Variants in KHDRBS2 observed in about 807,000 individuals in gnomAD.
KHDRBS2 encodes the protein KH domain-containing, RNA-binding, signal transduction-associated protein 2.
Under a neutral mutation model 44.3 loss-of-function variants are expected in KHDRBS2, and 26 were observed. The ratio of observed to expected loss-of-function variants is 0.59; its 90% CI spans 0.43 to 0.81. The LOEUF (loss-of-function observed/expected upper bound fraction) is 0.81. Ranked by LOEUF, KHDRBS2 falls within the 40% of genes least tolerant of loss-of-function variation. The pLI, the probability that KHDRBS2 is intolerant of heterozygous loss-of-function variation, is 0.00. For missense variants in KHDRBS2, 476 were observed against 433.1 expected, an observed-to-expected ratio of 1.10 and a Z score of -0.88; for synonymous variants, 194 against 151.1, an observed-to-expected ratio of 1.28 and a Z score of -2.08.
intron 2 of KHDRBS2, among the ~76,000 whole-genome samples, chr6:62,064,293 A>T (rs962514447): frequency 2.0e-5 from 3 of 150,202 alleles, no homozygotes; most frequent in African/African-American, 7.4e-5. Flanking sequence ...TAAAGTTCAT[A>T]TGGAACAAAA....
At position 62,048,889 on chromosome 6, in the gene KHDRBS2, T is replaced by C. The variant is rs537775347; in HGVS notation, c.220-895A>G. On this transcript the variant is annotated intron_variant, in intron 2 of 8. Coordinates refer to ENST00000281156, the MANE Select transcript of KHDRBS2 (RefSeq NM_152688.4). The stretch of plus-strand genomic sequence containing the variant: ...ACTATCTTGGGAACATAAAGAACAA[T>C]GATAAGTAAGACTAAGTAAAATTGC... Among the ~76,000 whole-genome samples, 3 of 152,052 alleles carry C rather than the reference T, an allele frequency of 2.0e-5. No individual in the cohort carries two copies. In the South Asian group the frequency reaches 6.2e-4, roughly 32 times the overall value.
At chr6:61,572,740 C>T in the KHDRBS2 span, among the ~76,000 whole-genome samples, 3 of 152,078 alleles carry the variant, frequency 2.0e-5, no homozygotes, top group African/African-American at 7.2e-5. Flanking sequence ...TTAATAGATA[C>T]AGAAAAAGCA....
rs1168354909 is a variant in KHDRBS2 at position 61,680,114 on chromosome 6, A to G, written c.*849T>C. 6.6e-6 allele frequency: 1 copy of G among 152,428 alleles called. No individual in the cohort carries two copies. The highest frequency in any genetic ancestry group is 2.4e-5 in the African/African-American group (1 of 41,450). 9.4% of individuals were successfully genotyped at this position (152,428 alleles called of 1,614,324 possible). A position where few individuals can be genotyped will look rare whatever the true frequency, so the allele number is the denominator to read the frequency against. ...TTATTAATACATTTTTAAGTATTACACAAATATCTTAAAACAGACTTGGGT... is the reference window on the plus strand; with the variant it reads ...TTATTAATACATTTTTAAGTATTACGCAAATATCTTAAAACAGACTTGGGT... On this transcript the variant is annotated 3_prime_UTR_variant, in exon 9 of 9. Coordinates refer to ENST00000281156, the MANE Select transcript of KHDRBS2 (RefSeq NM_152688.4).
At chr6:61,793,188 A>C (rs1460839154) in intron 6 of KHDRBS2, among the ~76,000 whole-genome samples, 11 of 152,000 alleles carry the variant, frequency 7.2e-5, no homozygotes, top group Non-Finnish European at 4.4e-5. Flanking sequence ...TGGGACAGTA[A>C]ACTTATTGCT....
chr6:62,072,342 C>T (rs1284344875), intron 2 of KHDRBS2, among the ~76,000 whole-genome samples: 2 of 152,274 alleles, frequency 1.3e-5, no homozygotes, highest in East Asian at 1.9e-4. Flanking sequence ...ATTTCCTTCT[C>T]CTGCCTGATT....
chr6:61,799,709 T>C lies in KHDRBS2; in HGVS notation c.811-66945A>G, dbSNP rs567881913. Among the ~76,000 whole-genome samples, 4 of 152,100 alleles carry C rather than the reference T, an allele frequency of 2.6e-5. No homozygotes were observed. In the East Asian group the frequency reaches 7.7e-4, roughly 29 times the overall value. On this transcript the variant is annotated intron_variant, in intron 6 of 8. Coordinates refer to ENST00000281156, the MANE Select transcript of KHDRBS2 (RefSeq NM_152688.4). ...TATATTCATTCAGGGTTAGAATGTA[T>C]TGAGATAGTGCTTAGAAGACAAAAA...
At chr6:62,262,913 A>G (rs189868289) in intron 1 of KHDRBS2, among the ~76,000 whole-genome samples, 2 of 151,896 alleles carry the variant, frequency 1.3e-5, no homozygotes, top group Admixed American at 1.3e-4. Flanking sequence ...TTCTCTCTAA[A>G]AACAAATACA....
chr6:61,654,115 T>A, the KHDRBS2 span, among the ~76,000 whole-genome samples: 1 of 152,068 alleles, frequency 6.6e-6, no homozygotes, highest in Non-Finnish European at 1.5e-5. Flanking sequence ...TCAGTCCTGC[T>A]ATTCTCATAT....
At chr6:62,101,530 C>G (rs1801903935) in intron 2 of KHDRBS2, among the ~76,000 whole-genome samples, 1 of 152,150 alleles carries the variant, frequency 6.6e-6, no homozygotes, top group African/African-American at 2.4e-5. Context: ...CTGCAATAAT[C>G]TTGGCAAGAG....
At chr6:61,564,001 T>A in the KHDRBS2 span, among the ~76,000 whole-genome samples, 46 of 152,224 alleles carry the variant, frequency 3.0e-4, no homozygotes, top group Non-Finnish European at 5.7e-4. Context: ...AGTTTTCATG[T>A]AATACTCATC....
At chr6:62,185,075 TA>T (rs1249387189) in intron 1 of KHDRBS2, among the ~76,000 whole-genome samples, 1 of 151,954 alleles carries the variant, frequency 6.6e-6, no homozygotes, top group East Asian at 1.9e-4. Flanking sequence ...TAAAATAAAG[TA>T]AATCTTTCAA....
At chr6:61,866,054 G>A (rs114102172) in intron 6 of KHDRBS2, among the ~76,000 whole-genome samples, 3,228 of 152,222 alleles carry the variant, frequency 0.021, 113 homozygotes, top group African/African-American at 0.073. Context: ...TACTATTCTG[G>A]GCTCTGGAGG....
intron 2 of KHDRBS2, among the ~76,000 whole-genome samples, chr6:62,070,525 T>C (rs1356971140): frequency 6.6e-6 from 1 of 151,952 alleles, no homozygotes; most frequent in African/African-American, 2.4e-5. Flanking sequence ...GTGTGTGATG[T>C]TCCCCTTACT....
intron 4 of KHDRBS2, among the ~76,000 whole-genome samples, chr6:61,913,967 T>C (rs1194469026): frequency 1.3e-5 from 2 of 152,106 alleles, no homozygotes; most frequent in Non-Finnish European, 2.9e-5. Flanking sequence ...ATCATGGTAG[T>C]GCTTCTGGAC....
the KHDRBS2 span, among the ~76,000 whole-genome samples, chr6:61,615,219 C>CCAAAAAAAAAAAAA: frequency 9.9e-6 from 1 of 101,012 alleles, no homozygotes. Flanking sequence ...GGTGACAGAG[C>CCAAAAAAAAAAAAA]AAGACTCCAT....
At chr6:61,816,933 AT>A in intron 6 of KHDRBS2, 1 of 455,746 alleles carries the variant, frequency 2.2e-6, no homozygotes, top group Non-Finnish European at 4.4e-6. Flanking sequence ...CATCTTTAGC[AT>A]TTCTACTTGA....
At chr6:62,212,897 G>A (rs1169653818) in intron 1 of KHDRBS2, among the ~76,000 whole-genome samples, 1 of 152,004 alleles carries the variant, frequency 6.6e-6, no homozygotes, top group Non-Finnish European at 1.5e-5. Context: ...GGGGAGAGAG[G>A]GAAGGGGGTG....
chr6:61,581,203 T>C, the KHDRBS2 span, among the ~76,000 whole-genome samples: 1 of 151,218 alleles, frequency 6.6e-6, no homozygotes, highest in African/African-American at 2.5e-5. Context: ...CATGCAAAAG[T>C]GCATTGCCAT....
chr6:62,178,507 T>C (rs1821599351), intron 1 of KHDRBS2, among the ~76,000 whole-genome samples: 1 of 151,462 alleles, frequency 6.6e-6, no homozygotes, highest in African/African-American at 2.4e-5. Flanking sequence ...AAAGATAACA[T>C]AGTATGTAAT....
Sources: gnomAD v4.1 joint callset for allele counts (sites outside exome capture counted in the v4.1 genomes callset) on GRCh38, gnomAD v4.1.1 for gene constraint, MANE v1.5 for transcripts, NCBI Gene and HGNC (gene_info 2026-07-23, HGNC 2026-07-21) for gene names.